Variants in PLXDC2 observed in about 807,000 individuals in gnomAD.
PLXDC2 encodes plexin domain-containing protein 2.
A neutral mutation model predicts 68.9 loss-of-function variants in PLXDC2; 40 were observed. The ratio of observed to expected loss-of-function variants is 0.58; its 90% CI spans 0.45 to 0.76. PLXDC2 has a LOEUF of 0.76. Ranked by LOEUF, PLXDC2 falls within the 30% of genes least tolerant of loss-of-function variation. The pLI is 0.00. For missense variants in PLXDC2, 644 were observed against 661.9 expected, an observed-to-expected ratio of 0.97 and a Z score of 0.30; for synonymous variants, 243 against 234.2, an observed-to-expected ratio of 1.04 and a Z score of -0.34.
At chr10:19,940,793 A>G (rs1833806854) in intron 1 of PLXDC2, among the ~76,000 whole-genome samples, 1 of 152,184 alleles carries the variant, frequency 6.6e-6, no homozygotes, top group Admixed American at 6.5e-5. Flanking sequence ...CTGTCAGAGT[A>G]GTTATTAATA....
At chr10:19,928,530 A>C (rs1833576716) in intron 1 of PLXDC2, among the ~76,000 whole-genome samples, 1 of 152,182 alleles carries the variant, frequency 6.6e-6, no homozygotes, top group Non-Finnish European at 1.5e-5. Context: ...AGCAGAATAA[A>C]TTAAGAGACC....
intron 2 of PLXDC2, among the ~76,000 whole-genome samples, chr10:20,020,551 TGA>T (rs66484667): frequency 0.22 from 34,044 of 151,648 alleles, 4,738 homozygotes; most frequent in Non-Finnish European, 0.33. Context: ...TCTCTGTTCA[TGA>T]GAGATATATA....
chr10:20,210,869 A>G (rs1237065102), intron 9 of PLXDC2, among the ~76,000 whole-genome samples: 1 of 152,182 alleles, frequency 6.6e-6, no homozygotes, highest in East Asian at 1.9e-4. Context: ...AAGCTCACCC[A>G]AGCTTGGTCT....
chr10:20,039,453 A>G (rs1225126282), intron 2 of PLXDC2, among the ~76,000 whole-genome samples: 1 of 152,194 alleles, frequency 6.6e-6, no homozygotes, highest in Non-Finnish European at 1.5e-5. Flanking sequence ...GGAAATTTAT[A>G]TATCAGCTGT....
intron 13 of PLXDC2, among the ~76,000 whole-genome samples, chr10:20,247,222 A>C (rs1835608595): frequency 6.6e-6 from 1 of 151,040 alleles, no homozygotes; most frequent in South Asian, 2.1e-4. Flanking sequence ...CACTTTGGGA[A>C]GCTGAGGCAG....
At chr10:20,051,175 C>T (rs1835892436) in intron 3 of PLXDC2, among the ~76,000 whole-genome samples, 1 of 151,642 alleles carries the variant, frequency 6.6e-6, no homozygotes, top group South Asian at 2.1e-4. Context: ...ATAAGTGGAG[C>T]TAAAAGATGA....
intron 2 of PLXDC2, among the ~76,000 whole-genome samples, chr10:20,023,145 TTA>T (rs5783715): frequency 0.82 from 120,677 of 148,038 alleles, 49,388 homozygotes; most frequent in East Asian, 0.87. Context: ...AATACAATGT[TTA>T]TATATATATA....
At position 20,082,045 on chromosome 10, in the gene PLXDC2, G is replaced by GAAAAAAAAA. The variant is rs1439512108; in HGVS notation, c.541+13815_541+13823dup. 6.2e-4 allele frequency among the ~76,000 whole-genome samples: 6 copies of GAAAAAAAAA among 9,608 alleles called. 1 individual carries two copies. Among genetic ancestry groups the GAAAAAAAAA allele is most frequent in the African/African-American group, 1.8e-3 (3 of 1,688 alleles). 6.3% of individuals were successfully genotyped at this position (9,608 alleles called of 152,430 possible). A position where few individuals can be genotyped will look rare whatever the true frequency, so the allele number is the denominator to read the frequency against. ...AAGTGACAAGAGTGAAACTCCATCTGAAAAAAAAAAAAAAAAATCAAAAAA... is the reference window on the plus strand; with the variant it reads ...AAGTGACAAGAGTGAAACTCCATCTGAAAAAAAAAAAAAAAAAAAAAAAAAATCAAAAAA... On this transcript the variant is annotated intron_variant, in intron 4 of 13. Transcript: ENST00000377252.
At chr10:20,029,388 G>T (rs769320318) in intron 2 of PLXDC2, among the ~76,000 whole-genome samples, 1 of 151,998 alleles carries the variant, frequency 6.6e-6, no homozygotes, top group Non-Finnish European at 1.5e-5. Flanking sequence ...TTAAATGCAT[G>T]ACATGTAAAA....
At chr10:20,116,418 A>G (rs777765281) in intron 4 of PLXDC2, among the ~76,000 whole-genome samples, 9 of 151,992 alleles carry the variant, frequency 5.9e-5, no homozygotes, top group Non-Finnish European at 1.3e-4. Context: ...TTTTTTTTCC[A>G]TATACCCATT....
intron 1 of PLXDC2, among the ~76,000 whole-genome samples, chr10:19,886,279 A>G (rs1379778271): frequency 2.0e-5 from 3 of 152,184 alleles, no homozygotes; most frequent in East Asian, 1.9e-4. Flanking sequence ...TTTTCTAGAT[A>G]TACAATCATG....
At chr10:20,002,056 T>G in intron 2 of PLXDC2, 70 bp downstream of exon 2, 1 of 1,433,202 alleles carries the variant, frequency 7.0e-7, no homozygotes, top group South Asian at 1.3e-5. Context: ...AACTTTTATA[T>G]AGACATAAGT....
chr10:20,037,299 A>G (rs1353654707), intron 2 of PLXDC2, among the ~76,000 whole-genome samples: 3 of 150,616 alleles, frequency 2.0e-5, no homozygotes, highest in African/African-American at 7.4e-5. Context: ...ATCCCTTGTA[A>G]GTTGGCAGTT....
chr10:20,233,986 A>G (rs2131881252), intron 12 of PLXDC2, among the ~76,000 whole-genome samples: 1 of 49,242 alleles, frequency 2.0e-5, no homozygotes, highest in East Asian at 3.0e-4. Context: ...ATGCCCACCT[A>G]CTTTTTTTTT....
chr10:20,185,336 C>G (rs1834668098), intron 9 of PLXDC2, among the ~76,000 whole-genome samples: 1 of 151,824 alleles, frequency 6.6e-6, no homozygotes, highest in Admixed American at 6.6e-5. Flanking sequence ...GAATGTCATA[C>G]CAAGGGAATT....
chr10:20,039,516 A>G (rs972543175), intron 2 of PLXDC2, among the ~76,000 whole-genome samples: 1 of 152,156 alleles, frequency 6.6e-6, no homozygotes, highest in Non-Finnish European at 1.5e-5. Context: ...TGAATATCTG[A>G]TCTATAGTAT....
chr10:19,849,944 C>T (rs1207715910), intron 1 of PLXDC2, among the ~76,000 whole-genome samples: 2 of 152,120 alleles, frequency 1.3e-5, no homozygotes, highest in Non-Finnish European at 2.9e-5. Context: ...GTGGTGTGGG[C>T]TTTGAGGATG....
chr10:19,885,666 A>G (rs1837830901), intron 1 of PLXDC2, among the ~76,000 whole-genome samples: 2 of 151,106 alleles, frequency 1.3e-5, no homozygotes, highest in Admixed American at 1.3e-4. Flanking sequence ...ATAGTTGTAG[A>G]TATGCGGCGT....
At chr10:19,822,947 G>T (rs1303821244) in intron 1 of PLXDC2, among the ~76,000 whole-genome samples, 1 of 151,072 alleles carries the variant, frequency 6.6e-6, no homozygotes, top group African/African-American at 2.4e-5. Context: ...ACAGAGTCTC[G>T]CTGTTTCTCC....
Sources: allele counts gnomAD v4.1 joint callset (sites outside exome capture counted in the v4.1 genomes callset), GRCh38; gene constraint gnomAD v4.1.1; transcripts MANE v1.5; gene names NCBI Gene and HGNC (gene_info 2026-07-23, HGNC 2026-07-21).